The following RARB variants were observed in gnomAD, a reference collection of about 807,000 sequenced individuals.
RARB encodes HBV-activated protein.
RARB carries 17 observed loss-of-function variants against 51.9 expected under a neutral mutation model. The ratio of observed to expected loss-of-function variants is 0.33; its 90% CI spans 0.22 to 0.49. The LOEUF (loss-of-function observed/expected upper bound fraction) is 0.49, where lower values mean the gene tolerates loss of function less well. Ranked by LOEUF, RARB falls within the 20% of genes least tolerant of loss-of-function variation. RARB has a pLI of 0.99. For missense variants in RARB, 369 were observed against 550.8 expected, an observed-to-expected ratio of 0.67 and a Z score of 3.30; for synonymous variants, 215 against 195.4, an observed-to-expected ratio of 1.10 and a Z score of -0.84.
intron 3 of RARB, among the ~76,000 whole-genome samples, chr3:25,508,859 A>C (rs1455473458): frequency 6.6e-6 from 1 of 151,568 alleles, no homozygotes; most frequent in African/African-American, 2.4e-5. Flanking sequence ...CTACTTGCCA[A>C]ATATGAATAT....
rs542044153 is a variant in RARB at position 25,195,932 on chromosome 3, T to C, written c.178+21357T>C. ...TTATGGCTCTATTTTAAATCAGTTA[T>C]TTGGTTAGTGAACTAATGCAAACAA... On this transcript the variant is annotated intron_variant, in intron 5 of 11. Transcript: ENST00000383772. Among the ~76,000 whole-genome samples the C allele has an allele frequency of 1.7e-4, 26 of 152,144 alleles. No individual in the cohort carries two copies. In the East Asian group the frequency reaches 4.1e-3, roughly 24 times the overall value.
chr3:25,032,069 T>C (rs928774132), intron 2 of RARB, among the ~76,000 whole-genome samples: 12 of 152,166 alleles, frequency 7.9e-5, no homozygotes, highest in African/African-American at 2.9e-4. Flanking sequence ...AATCAAGACA[T>C]AACATATCCA....
intron 4 of RARB, among the ~76,000 whole-genome samples, chr3:25,578,631 C>T (rs1190571667): frequency 6.6e-6 from 1 of 152,190 alleles, no homozygotes; most frequent in Admixed American, 6.5e-5. Flanking sequence ...ATCTCATGTT[C>T]CCTCAAGTGT....
intron 5 of RARB, among the ~76,000 whole-genome samples, chr3:25,202,249 T>C (rs1249599296): frequency 1.3e-5 from 2 of 152,210 alleles, no homozygotes; most frequent in African/African-American, 4.8e-5. Context: ...TCTCTGATGG[T>C]AGTTTGTATT....
intron 2 of RARB, among the ~76,000 whole-genome samples, chr3:24,963,221 G>A (rs777676035): frequency 6.6e-6 from 1 of 151,864 alleles, no homozygotes; most frequent in African/African-American, 2.4e-5. Context: ...ATCTGTCCTT[G>A]GCCCCTTGGC....
chr3:24,836,627 C>T lies in RARB; in HGVS notation c.-459+7224C>T, dbSNP rs142201556. Among the ~76,000 whole-genome samples, 123 of 152,186 alleles carry T rather than the reference C, an allele frequency of 8.1e-4. 1 individual carries two copies. The highest frequency in any genetic ancestry group is 1.3e-3 in the Non-Finnish European group (91 of 68,010). On this transcript the variant is annotated intron_variant, in intron 1 of 11. Coordinates refer to the RARB transcript ENST00000383772. ...CCTACCAAGCTCTTTATGATCTGGC[C>T]CCTGTTATCTCTCTGACCTCATCCT... is the stretch of plus-strand genomic sequence containing the variant.
chr3:25,434,464 G>C (rs547091928), intron 1 of RARB, among the ~76,000 whole-genome samples: 137 of 150,602 alleles, frequency 9.1e-4, no homozygotes, highest in Non-Finnish European at 1.6e-3. Context: ...CACAAACCTC[G>C]CCAACTCTCC....
At chr3:24,973,888 A>G (rs918539535) in intron 2 of RARB, among the ~76,000 whole-genome samples, 4 of 152,072 alleles carry the variant, frequency 2.6e-5, no homozygotes, top group African/African-American at 9.7e-5. Flanking sequence ...AGATTATGTC[A>G]TCTGCATACA....
chr3:25,156,620 T>C (rs939531482), intron 4 of RARB, among the ~76,000 whole-genome samples: 10 of 151,794 alleles, frequency 6.6e-5, no homozygotes, highest in African/African-American at 2.2e-4. Context: ...AAAACAGTTA[T>C]TTTAAAAATG....
chr3:25,500,454 GTT>G (rs753321842), intron 2 of RARB, among the ~76,000 whole-genome samples: 88 of 66,116 alleles, frequency 1.3e-3, no homozygotes, highest in Non-Finnish European at 1.9e-3. Context: ...TTCTTTTCTT[GTT>G]TTTTTTTTTT....
intron 3 of RARB, among the ~76,000 whole-genome samples, chr3:25,511,400 G>A (rs973717941): frequency 6.6e-6 from 1 of 151,998 alleles, no homozygotes; most frequent in African/African-American, 2.4e-5. Context: ...CAAAGTGCTG[G>A]GATTACAAGT....
chr3:25,271,152 A>G (rs1388306243), intron 5 of RARB, among the ~76,000 whole-genome samples: 2 of 152,196 alleles, frequency 1.3e-5, no homozygotes, highest in African/African-American at 4.8e-5. Flanking sequence ...TACACCAACC[A>G]ATTACGATGG....
At chr3:25,411,468 A>T (rs1707560862) in intron 5 of RARB, among the ~76,000 whole-genome samples, 1 of 152,252 alleles carries the variant, frequency 6.6e-6, no homozygotes, top group Admixed American at 6.5e-5. Context: ...GGGGTATGTA[A>T]GAAGAAATTA....
intron 2 of RARB, among the ~76,000 whole-genome samples, chr3:24,921,594 GCTT>G (rs1368590037): frequency 6.6e-6 from 1 of 152,000 alleles, no homozygotes; most frequent in Non-Finnish European, 1.5e-5. Context: ...CTTCTTTTCT[GCTT>G]CTTATCTCAG....
chr3:25,041,419 C>A (rs907505945), intron 2 of RARB, among the ~76,000 whole-genome samples: 1 of 151,930 alleles, frequency 6.6e-6, no homozygotes, highest in African/African-American at 2.4e-5. Context: ...GTCTGTAGAT[C>A]TGACTTTCAA....
intron 5 of RARB, among the ~76,000 whole-genome samples, chr3:25,358,690 G>T (rs112991350): frequency 6.6e-6 from 1 of 152,072 alleles, no homozygotes; most frequent in Non-Finnish European, 1.5e-5. Context: ...TAGCATGAAG[G>T]GTTGTTGAAT....
intron 2 of RARB, among the ~76,000 whole-genome samples, chr3:24,974,287 C>G (rs955296745): frequency 6.6e-6 from 1 of 152,090 alleles, no homozygotes; most frequent in African/African-American, 2.4e-5. Flanking sequence ...ATGAATTCCA[C>G]TTGATCACGG....
At chr3:25,112,285 G>A (rs1395995689) in intron 3 of RARB, among the ~76,000 whole-genome samples, 2 of 152,092 alleles carry the variant, frequency 1.3e-5, no homozygotes, top group South Asian at 2.1e-4. Context: ...GCCACATGAT[G>A]AACCTTGCTA....
intron 4 of RARB, among the ~76,000 whole-genome samples, chr3:25,164,475 A>G (rs569125726): frequency 2.3e-4 from 35 of 152,164 alleles, no homozygotes; most frequent in Admixed American, 5.2e-4. Flanking sequence ...TGACCATCTC[A>G]TTTATTTGAC....
Sources: allele counts gnomAD v4.1 joint callset (sites outside exome capture counted in the v4.1 genomes callset), GRCh38; gene constraint gnomAD v4.1.1; transcripts MANE v1.5; gene names NCBI Gene and HGNC (gene_info 2026-07-23, HGNC 2026-07-21).